Variants in ZNF287 observed in about 807,000 individuals in gnomAD.
ZNF287 encodes zinc finger protein 287, also known as zinc finger protein with KRAB and SCAN domains 13.
A neutral mutation model predicts 73.7 loss-of-function variants in ZNF287; 31 were observed. The ratio of observed to expected loss-of-function variants is 0.42; its 90% CI spans 0.32 to 0.57. ZNF287 has a LOEUF of 0.57. ZNF287 is among the 20% of genes least tolerant of loss of function. The probability of loss-of-function intolerance (pLI) is 0.13; values close to 1 mark genes in which losing one functional copy is unlikely to be tolerated. For synonymous variants in ZNF287, 301 were observed against 307.2 expected, an observed-to-expected ratio of 0.98 and a Z score of 0.21; for missense variants, 641 against 909.3, an observed-to-expected ratio of 0.70 and a Z score of 3.79.
Position 16,553,086 on chromosome 17 carries a change from G to C in ZNF287, c.1056C>G (p.Val352=). 1 of 1,614,180 alleles carries C rather than the reference G, an allele frequency of 6.2e-7. No individual in the cohort carries two copies. Among genetic ancestry groups the C allele is most frequent in the Non-Finnish European group, 8.5e-7 (1 of 1,180,016 alleles). ...YNEGRATFNH[V]SYGIVHRKIL... The stretch of plus-strand genomic sequence containing the variant: ...TTTTCCTATGTACAATACCATATGA[G>C]ACATGATTGAAGGTTGCCCTGCCTT... The change falls in exon 6 of 6, where the codon GTC becomes GTG. Residue 352 remains valine, a synonymous_variant. Transcript: ENST00000395825.
At chr17:16,554,709 A>G (rs1042187081) in intron 5 of ZNF287, among the ~76,000 whole-genome samples, 3 of 152,238 alleles carry the variant, frequency 2.0e-5, no homozygotes, top group African/African-American at 4.8e-5. Context: ...ACTTCAGGTC[A>G]GGAGTTTGAG....
chr17:16,562,193 A>G (rs1233326378), intron 5 of ZNF287, among the ~76,000 whole-genome samples: 2 of 149,174 alleles, frequency 1.3e-5, no homozygotes, highest in Admixed American at 1.3e-4. Flanking sequence ...TGAGAATGAA[A>G]AAGTCCATGA....
Position 16,552,164 on chromosome 17 carries a change from C to A in ZNF287, c.1978G>T (p.Gly660Cys). 1 of 1,613,552 alleles carries A rather than the reference C, an allele frequency of 6.2e-7. No individual in the cohort carries two copies. Among genetic ancestry groups the A allele is most frequent in the Non-Finnish European group, 8.5e-7 (1 of 1,179,850 alleles). The change falls in exon 6 of 6, where the codon GGC becomes TGC. Residue 660 changes from glycine to cysteine, a missense_variant. Physicochemically the swap from Gly to Cys is radical, Grantham distance 159. This residue lies in a region of ZNF287 where 284 missense variants were observed against 466.8 expected (regional missense o/e 0.61). Transcript: ENST00000395825. This position sits in a 1 kb window ranked among gnomAD's most constrained non-coding sequence, Gnocchi z 6.5. ...CNICGKAYRQGANLTQHQRIH... is the reference protein window; with the variant it reads ...CNICGKAYRQCANLTQHQRIH... Reference sequence around the variant, plus strand: ...CTTTGATGCTGAGTAAGATTTGCGCCTTGTCTATATGCTTTCCCACATATA... The same window carrying A: ...CTTTGATGCTGAGTAAGATTTGCGCATTGTCTATATGCTTTCCCACATATA...
intron 4 of ZNF287, among the ~76,000 whole-genome samples, 175 bp downstream of exon 4, chr17:16,563,524 G>A (rs1244600393): frequency 6.6e-6 from 1 of 152,230 alleles, no homozygotes; most frequent in Non-Finnish European, 1.5e-5. Flanking sequence ...AGTTGCCAAT[G>A]TTCTCTCACT....
intron 5 of ZNF287, among the ~76,000 whole-genome samples, chr17:16,561,715 G>A (rs1159307607): frequency 6.6e-6 from 1 of 152,048 alleles, no homozygotes; most frequent in Non-Finnish European, 1.5e-5. Context: ...TCAATATCAT[G>A]AAAGACTTTT....
In ZNF287 at chr17:16,569,157, A is replaced by G. The variant is rs1439238475; in HGVS notation, c.-404T>C. ...AGCCCGGTCCTGAGAAGCCCGGCCC[A>G]GAAACCCCGGCGCCTCTGCTTAGCC... On this transcript the variant is annotated 5_prime_UTR_variant, in exon 1 of 6. Transcript: ENST00000395825. 6.6e-6 allele frequency: 1 copy of G among 152,402 alleles called. No individual in the cohort carries two copies. Among genetic ancestry groups the G allele is most frequent in the Non-Finnish European group, 1.5e-5 (1 of 68,180 alleles). 9.4% of individuals were successfully genotyped at this position (152,402 alleles called of 1,614,324 possible). A position where few individuals can be genotyped will look rare whatever the true frequency, so the allele number is the denominator to read the frequency against.
At chr17:16,564,648 A>G (rs1597473574) in intron 3 of ZNF287, among the ~76,000 whole-genome samples, 1 of 152,260 alleles carries the variant, frequency 6.6e-6, no homozygotes, top group East Asian at 1.9e-4. Context: ...CTTTTTAAAA[A>G]TATAACAGAT....
In ZNF287 at chr17:16,552,523, T is replaced by A. The variant is rs763903357; in HGVS notation, c.1619A>T (p.Glu540Val). ...ACTCTGACTAAACACTTTCCAACAT[T>A]CATTGCATTTATATGGTTTCTTCCC... ...HTGKKPYKCNECWKVFSQSTY... is the reference protein window; with the variant it reads ...HTGKKPYKCNVCWKVFSQSTY... Residue 540 changes from glutamate (E) to valine (V), a missense_variant, in exon 6 of 6, where the codon GAA becomes GTA. Physicochemically the swap from Glu to Val is moderately radical, Grantham distance 121. This residue lies in a region of ZNF287 where 284 missense variants were observed against 466.8 expected (regional missense o/e 0.61). Coordinates refer to ENST00000395825, the MANE Select transcript of ZNF287 (RefSeq NM_020653.4). This position sits in a 1 kb window ranked among gnomAD's most constrained non-coding sequence, Gnocchi z 6.5. 1 of 1,614,148 alleles carries A rather than the reference T, an allele frequency of 6.2e-7. No homozygotes were observed. The highest frequency in any genetic ancestry group is 1.1e-5 in the South Asian group (1 of 91,084).
chr17:16,567,190 C>CCAGTTTCTTTCTT lies in ZNF287; in HGVS notation c.403+126_403+138dup, dbSNP rs1907798193. The stretch of plus-strand genomic sequence containing the variant: ...TCTCACTCACTAACCTTTGTTCTCC[C>CCAGTTTCTTTCTT]CAGTTTCTTTCTTTTTAAAAAATGC... On this transcript the variant is annotated intron_variant, in intron 2 of 5. Transcript: ENST00000395825. 4.5e-6 allele frequency: 5 copies of CCAGTTTCTTTCTT among 1,120,882 alleles called. No individual in the cohort carries two copies. In the East Asian group the frequency reaches 1.2e-4, roughly 27 times the overall value. 69.4% of individuals were successfully genotyped at this position (1,120,882 alleles called of 1,614,324 possible). A position where few individuals can be genotyped will look rare whatever the true frequency, so the allele number is the denominator to read the frequency against.
At chr17:16,565,372 G>A (rs1907684279) in intron 3 of ZNF287, among the ~76,000 whole-genome samples, 1 of 151,114 alleles carries the variant, frequency 6.6e-6, no homozygotes, top group South Asian at 2.1e-4. Flanking sequence ...TTTTTCGGGG[G>A]TGTGATACTG....
intron 5 of ZNF287, among the ~76,000 whole-genome samples, chr17:16,555,174 T>C (rs1183077606): frequency 1.3e-5 from 2 of 152,134 alleles, no homozygotes; most frequent in Non-Finnish European, 2.9e-5. Flanking sequence ...ACCTAGATGA[T>C]ATATATGTAT....
intron 3 of ZNF287, among the ~76,000 whole-genome samples, chr17:16,564,852 G>C (rs920413248): frequency 6.6e-6 from 1 of 151,754 alleles, no homozygotes; most frequent in African/African-American, 2.4e-5. Flanking sequence ...CTGAGTAGCT[G>C]GGATTACAGG....
intron 5 of ZNF287, among the ~76,000 whole-genome samples, chr17:16,560,549 T>C (rs1033949969): frequency 6.6e-6 from 1 of 151,172 alleles, no homozygotes; most frequent in East Asian, 2.0e-4. Context: ...AGAGTTTCAC[T>C]GTGTTGGCCA....
Position 16,552,235 on chromosome 17 carries a change from G to C in ZNF287, c.1907C>G (p.Thr636Ser), listed in dbSNP as rs1267068419. 9 of 1,613,988 alleles carry C rather than the reference G, an allele frequency of 5.6e-6. No homozygotes were observed. Among genetic ancestry groups the C allele is most frequent in the Non-Finnish European group, 7.6e-6 (9 of 1,179,982 alleles). Residue 636 changes from threonine to serine, a missense_variant, in exon 6 of 6, where the codon ACT becomes AGT. Around this residue, in one of 2 missense-constraint regions of ZNF287, gnomAD observed 284 missense variants for 466.8 expected, o/e 0.61. Transcript: ENST00000395825. This position sits in a 1 kb window ranked among gnomAD's most constrained non-coding sequence, Gnocchi z 6.5. ...TCCATTATGAATCCTCTGATGTTGA[G>C]TAAGGTGCACACTCTGGCTGAATGC... Reference protein sequence around the residue: ...GKAFSQSVHLTQHQRIHNGEK... With the variant: ...GKAFSQSVHLSQHQRIHNGEK...
In ZNF287 at chr17:16,553,226, GATC is replaced by G. The variant is rs1906811901; in HGVS notation, c.913_915del (p.Asp305del). On this transcript the variant is annotated inframe_deletion, in exon 6 of 6. Transcript: ENST00000395825. ...TATTTACTAAGACATTCTTCTGTAG[GATC>G]ATATTCTTGTGAAAGGACTGACTTC... The G allele has an allele frequency of 6.2e-7, 1 of 1,607,074 alleles. No homozygotes were observed. The highest frequency in any genetic ancestry group is 1.7e-5 in the Admixed American group (1 of 59,978).
rs1431792755 is a variant in ZNF287 at position 16,548,815 on chromosome 17, C to T, written c.*3041G>A. On this transcript the variant is annotated 3_prime_UTR_variant, in exon 6 of 6. Transcript: ENST00000395825. ...ACTCCGTCTCAAAAAAAAGGAAAAACCAAAGTGGGGACTGTTCTAGATAGA... is the reference window on the plus strand; with the variant it reads ...ACTCCGTCTCAAAAAAAAGGAAAAATCAAAGTGGGGACTGTTCTAGATAGA... 2.0e-5 allele frequency among the ~76,000 whole-genome samples: 3 copies of T among 152,010 alleles called. No individual in the cohort carries two copies. The highest frequency in any genetic ancestry group is 2.0e-4 in the Admixed American group (3 of 15,270).
At chr17:16,555,380 G>C (rs372133445) in intron 5 of ZNF287, among the ~76,000 whole-genome samples, 1 of 152,036 alleles carries the variant, frequency 6.6e-6, no homozygotes, top group South Asian at 2.1e-4. Context: ...TCATTATGCA[G>C]CACATGACTG....
intron 5 of ZNF287, among the ~76,000 whole-genome samples, chr17:16,560,593 C>T (rs911152354): frequency 6.6e-5 from 10 of 152,026 alleles, no homozygotes; most frequent in Middle Eastern, 3.4e-3. Context: ...CGTGATCCGC[C>T]CACCTTGGCC....
intron 5 of ZNF287, among the ~76,000 whole-genome samples, chr17:16,555,946 G>A (rs1907030917): frequency 6.6e-6 from 1 of 152,074 alleles, no homozygotes; most frequent in Non-Finnish European, 1.5e-5. Context: ...CCATTCAATT[G>A]AGTAATATGC....
Sources: gnomAD v4.1 joint callset for allele counts (sites outside exome capture counted in the v4.1 genomes callset) on GRCh38, gnomAD v4.1.1 for gene constraint, gnomAD v4.1.1 regional missense constraint, Gnocchi (gnomAD v3.1) non-coding constraint, MANE v1.5 for transcripts, NCBI Gene and HGNC (gene_info 2026-07-23, HGNC 2026-07-21) for gene names.